CASP5: variants seen among roughly 807,000 people sequenced by gnomAD.
CASP5 encodes the protein caspase 5.
A neutral mutation model predicts 45.2 loss-of-function variants in CASP5; 42 were observed. The observed-to-expected ratio is 0.93, with a 90% CI of 0.73 to 1.20. CASP5 has a LOEUF of 1.20. CASP5 is among the 50% of genes most tolerant of loss of function. The pLI is 0.00. For synonymous variants in CASP5, 209 were observed against 186.2 expected (o/e 1.12, Z -1.00); for missense variants, 512 against 532.2 (o/e 0.96, Z 0.37).
intron 7 of CASP5, 118 bp from the exon 8 acceptor site, chr11:104,997,610 C>A: frequency 1.8e-6 from 1 of 569,666 alleles, no homozygotes; most frequent in South Asian, 2.3e-5. Context: ...TCCCTTATAA[C>A]CAAACATTTA....
At chr11:104,998,599 A>G (rs1384147769) in intron 7 of CASP5, among the ~76,000 whole-genome samples, 1 of 152,222 alleles carries the variant, frequency 6.6e-6, no homozygotes, top group Non-Finnish European at 1.5e-5. Context: ...CTATGTTTAC[A>G]TGGTGTGTGG....
chr11:105,023,099 A>C (rs1418655090), intron 1 of CASP5, 31 bp downstream of exon 1: 1 of 1,549,740 alleles, frequency 6.5e-7, no homozygotes, highest in Non-Finnish European at 8.7e-7. Flanking sequence ...CTGAGTACCC[A>C]GCTGCTAGTC....
intron 1 of CASP5, among the ~76,000 whole-genome samples, chr11:105,009,789 ACACG>A (rs1386991895): frequency 2.2e-4 from 26 of 117,086 alleles, no homozygotes; most frequent in African/African-American, 8.7e-4. Context: ...ATATATATAC[ACACG>A]TATATATATA....
rs375961564 is a variant in CASP5 at position 105,004,805 on chromosome 11, A to G, written c.434-1422T>C. On this transcript the variant is annotated intron_variant, in intron 3 of 9. Coordinates refer to ENST00000260315, the MANE Select transcript of CASP5 (RefSeq NM_004347.5). ...CTCTTTTTTCATAGATTAAACAGTG[A>G]CAGATGCTTTTTCTTCTCATTTCAG... Among the ~76,000 whole-genome samples the G allele has an allele frequency of 3.3e-5, 5 of 152,270 alleles. No homozygotes were observed. The East Asian group carries it at 7.7e-4, about 23-fold the overall frequency.
intron 7 of CASP5, 49 bp downstream of exon 7, chr11:104,998,836 G>C (rs1302739325): frequency 6.3e-7 from 1 of 1,582,120 alleles, no homozygotes; most frequent in Admixed American, 1.7e-5. Context: ...ATCATTCAAA[G>C]GTGGCCTCAG....
intron 8 of CASP5, among the ~76,000 whole-genome samples, 192 bp downstream of exon 8, chr11:104,997,191 T>C (rs897262182): frequency 6.6e-6 from 1 of 152,228 alleles, no homozygotes; most frequent in Admixed American, 6.5e-5. Context: ...TTGTTTTACT[T>C]TGCTCTTCTT....
rs523104 is a variant in CASP5, at chr11:104,998,981, G to C, written c.1000C>G (p.Leu334Val). ...WVRDSPASLA[L>V]ISSQSSENLE... ...TTCTCAGATGACTGTGAAGAGATGA[G>C]TGCCAAGGATGCTGGAGAGTCTCTG... is the stretch of plus-strand genomic sequence containing the variant. The change falls in exon 7 of 10, where the codon CTC becomes GTC. Residue 334 changes from leucine (L) to valine (V), a missense_variant. Coordinates refer to ENST00000260315, the MANE Select transcript of CASP5 (RefSeq NM_004347.5). 0.46 allele frequency: 735,430 copies of C among 1,611,652 alleles called. 171,699 individuals carry two copies. The highest frequency in any genetic ancestry group is 0.76 in the East Asian group (33,980 of 44,824).
intron 1 of CASP5, among the ~76,000 whole-genome samples, chr11:105,018,568 A>G (rs1320031927): frequency 1.0e-4 from 15 of 143,170 alleles, no homozygotes; most frequent in Admixed American, 7.2e-4. Flanking sequence ...AGGCCATTAC[A>G]TAATGGTAAA....
intron 1 of CASP5, among the ~76,000 whole-genome samples, chr11:105,015,616 CTATCTAT>C (rs1280884931): frequency 6.6e-6 from 1 of 152,222 alleles, no homozygotes; most frequent in Non-Finnish European, 1.5e-5. Flanking sequence ...TCAATTTCTC[CTATCTAT>C]TATCTAATGA....
At chr11:105,010,352 A>G (rs1006872419) in intron 1 of CASP5, among the ~76,000 whole-genome samples, 2 of 150,358 alleles carry the variant, frequency 1.3e-5, no homozygotes, top group African/African-American at 2.4e-5. Context: ...AGTAATTATC[A>G]TTATTATTAA....
intron 9 of CASP5, among the ~76,000 whole-genome samples, chr11:104,994,728 C>T (rs1861379295): frequency 6.6e-6 from 1 of 152,162 alleles, no homozygotes; most frequent in Non-Finnish European, 1.5e-5. Flanking sequence ...TCTTTTTAAA[C>T]CTGTTCAGCA....
chr11:104,995,614 A>G lies in CASP5; in HGVS notation c.*4+126T>C, dbSNP rs369515176. On this transcript the variant is annotated intron_variant, in intron 9 of 9. Transcript: ENST00000260315. Reference sequence around the variant, plus strand: ...AATAAAAAAGAGCAAATAAATACTCACCAGACTACATCAATAAAGAACACT... The same window carrying G: ...AATAAAAAAGAGCAAATAAATACTCGCCAGACTACATCAATAAAGAACACT... 11 of 593,576 alleles carry G rather than the reference A, an allele frequency of 1.9e-5. No homozygotes were observed. In the African/African-American group the frequency reaches 2.0e-4, roughly 11 times the overall value. 36.8% of individuals were successfully genotyped at this position (593,576 alleles called of 1,614,324 possible). A position where few individuals can be genotyped will look rare whatever the true frequency, so the allele number is the denominator to read the frequency against.
intron 5 of CASP5, among the ~76,000 whole-genome samples, chr11:105,001,093 C>G (rs1337649020): frequency 6.6e-6 from 1 of 152,212 alleles, no homozygotes; most frequent in Non-Finnish European, 1.5e-5. Context: ...GTTCTCTCCC[C>G]ACAGAGGCTT....
intron 1 of CASP5, among the ~76,000 whole-genome samples, chr11:105,012,014 A>G (rs1222963365): frequency 6.6e-6 from 1 of 151,834 alleles, no homozygotes; most frequent in Non-Finnish European, 1.5e-5. Flanking sequence ...AACTGGAGGC[A>G]GCACACAACC....
intron 1 of CASP5, among the ~76,000 whole-genome samples, chr11:105,010,519 T>G (rs1365159846): frequency 6.6e-6 from 1 of 150,506 alleles, no homozygotes; most frequent in Non-Finnish European, 1.5e-5. Flanking sequence ...ATCATTATTA[T>G]TATTATATCA....
chr11:105,006,730 G>A (rs185341553), intron 3 of CASP5, among the ~76,000 whole-genome samples: 17 of 152,296 alleles, frequency 1.1e-4, no homozygotes, highest in Non-Finnish European at 2.2e-4. Context: ...CATTTCACAG[G>A]TGGTAAGACT....
At chr11:104,998,523 A>G (rs1195180830) in intron 7 of CASP5, among the ~76,000 whole-genome samples, 23 of 152,162 alleles carry the variant, frequency 1.5e-4, no homozygotes, top group Admixed American at 1.5e-3. Flanking sequence ...GACAGCCAGT[A>G]CTGGGATCCA....
At chr11:104,995,630 A>G in intron 9 of CASP5, 110 bp downstream of exon 9, 1 of 653,704 alleles carries the variant, frequency 1.5e-6, no homozygotes, top group Non-Finnish European at 2.7e-6. Context: ...CTACATCAAT[A>G]AAGAACACTA....
chr11:105,014,283 A>G (rs1862480652), intron 1 of CASP5, among the ~76,000 whole-genome samples: 1 of 141,874 alleles, frequency 7.0e-6, no homozygotes, highest in African/African-American at 2.5e-5. Flanking sequence ...CTCCAAGTCT[A>G]AGACCAGATG....
Sources: gnomAD v4.1 joint callset for allele counts (sites outside exome capture counted in the v4.1 genomes callset) on GRCh38, gnomAD v4.1.1 for gene constraint, MANE v1.5 for transcripts, NCBI Gene and HGNC (gene_info 2026-07-23, HGNC 2026-07-21) for gene names.